Variants in ATP5PO observed in about 807,000 individuals in gnomAD.
The protein encoded by ATP5PO is ATP synthase peripheral stalk subunit OSCP, also known as ATP synthase peripheral stalk subunit OSCP, mitochondrial.
A neutral mutation model predicts 26.2 loss-of-function variants in ATP5PO; 14 were observed. That is an observed-to-expected ratio of 0.53 (90% CI 0.35 to 0.83). The LOEUF is 0.83. Among genes scored for constraint, ATP5PO ranks in the 40% least tolerant of loss-of-function variants. The pLI is 0.01. For synonymous variants in ATP5PO, 106 were observed against 95.1 expected (o/e 1.12, Z -0.67); for missense variants, 241 against 258.5 (o/e 0.93, Z 0.46).
intron 1 of ATP5PO, 67 bp downstream of exon 1, chr21:33,915,661 C>T (rs9979313): frequency 0.02 from 30,206 of 1,537,078 alleles, 353 homozygotes; most frequent in South Asian, 0.031. Context: ...CCCTGGTGCT[C>T]GAGGTTTGGT....
intron 5 of ATP5PO, among the ~76,000 whole-genome samples, chr21:33,904,512 C>T (rs552956689): frequency 1.3e-5 from 2 of 152,274 alleles, no homozygotes; most frequent in East Asian, 3.9e-4. Context: ...TTCATCTCCC[C>T]GCATCCACAG....
In ATP5PO at chr21:33,912,975, T is replaced by C. The variant is rs191463062; in HGVS notation, c.88-576A>G. Among the ~76,000 whole-genome samples, 9 of 152,380 alleles carry C rather than the reference T, an allele frequency of 5.9e-5. No homozygotes were observed. In the East Asian group the frequency reaches 1.7e-3, roughly 29 times the overall value. ...TTTTCACAATAAACTATAGACTTTTTTTCTACCATCAATGTATGACTACAT... is the reference window on the plus strand; with the variant it reads ...TTTTCACAATAAACTATAGACTTTTCTTCTACCATCAATGTATGACTACAT... On this transcript the variant is annotated intron_variant, in intron 2 of 6. Coordinates refer to ENST00000290299, the MANE Select transcript of ATP5PO (RefSeq NM_001697.3).
At position 33,909,175 on chromosome 21, in the gene ATP5PO, A is replaced by C. The variant is rs1987215570; in HGVS notation, c.235T>G (p.Leu79Val). The change falls in exon 4 of 7, where the codon TTG (leucine) becomes GTG (valine). Residue 79 changes from leucine (L) to valine (V), a missense_variant. Transcript: ENST00000290299. Reference sequence around the variant, plus strand: ...ATGGAACGCTTCACATAGGGATTCAAAACAGAAGCAGCCACTTTGGGTTCC... The same window carrying C: ...ATGGAACGCTTCACATAGGGATTCACAACAGAAGCAGCCACTTTGGGTTCC... ...LKEPKVAASVLNPYVKRSIKV... is the reference protein window; with the variant it reads ...LKEPKVAASVVNPYVKRSIKV... 1 of 1,614,002 alleles carries C rather than the reference A, an allele frequency of 6.2e-7. No individual in the cohort carries two copies. Among genetic ancestry groups the C allele is most frequent in the Non-Finnish European group, 8.5e-7 (1 of 1,179,906 alleles).
intron 5 of ATP5PO, 41 bp downstream of exon 5, chr21:33,907,300 T>C (rs62226670): frequency 0.2 from 310,545 of 1,522,136 alleles, 33,249 homozygotes; most frequent in Non-Finnish European, 0.22. Context: ...GTGACACATG[T>C]AATATCAAGG....
chr21:33,914,648 T>C (rs1332618938), intron 1 of ATP5PO, 148 bp from the exon 2 acceptor site: 1 of 667,490 alleles, frequency 1.5e-6, no homozygotes, highest in Non-Finnish European at 2.5e-6. Context: ...GGTGAGCTAC[T>C]TACTATTACT....
At chr21:33,913,606 T>C (rs1447419855) in intron 2 of ATP5PO, among the ~76,000 whole-genome samples, 2 of 152,194 alleles carry the variant, frequency 1.3e-5, no homozygotes, top group East Asian at 3.8e-4. Context: ...GTGTCACTAA[T>C]AGTCCTCTTT....
intron 6 of ATP5PO, 146 bp downstream of exon 6, chr21:33,903,789 A>T: frequency 9.3e-7 from 1 of 1,074,698 alleles, no homozygotes; most frequent in South Asian, 1.7e-5. Flanking sequence ...ACAGTCAGAT[A>T]ATCATTTAAA....
intron 4 of ATP5PO, among the ~76,000 whole-genome samples, chr21:33,907,684 G>C (rs1045462015): frequency 1.3e-5 from 2 of 152,112 alleles, no homozygotes; most frequent in African/African-American, 4.8e-5. Flanking sequence ...AAAACGTTAG[G>C]GCTTGGTGGT....
intron 5 of ATP5PO, among the ~76,000 whole-genome samples, chr21:33,906,007 C>G (rs1001240191): frequency 2.7e-5 from 4 of 150,722 alleles, no homozygotes; most frequent in African/African-American, 9.8e-5. Flanking sequence ...GACCGTGGGG[C>G]AGGTGAATGT....
intron 5 of ATP5PO, among the ~76,000 whole-genome samples, chr21:33,905,334 G>A (rs1987155954): frequency 6.6e-6 from 1 of 151,904 alleles, no homozygotes; most frequent in African/African-American, 2.4e-5. Context: ...CCTTCATGTG[G>A]GCAACCCTGA....
chr21:33,903,455 A>T lies in ATP5PO; in HGVS notation c.*71T>A. ...TTTAAAAGACAGTGAACATAATATG[A>T]TCTGTTCTGGAAGCTTTTTATTGTT... On this transcript the variant is annotated 3_prime_UTR_variant, in exon 7 of 7. Transcript: ENST00000290299. 7.7e-7 allele frequency: 1 copy of T among 1,299,906 alleles called. No individual in the cohort carries two copies. 80.5% of individuals were successfully genotyped at this position (1,299,906 alleles called of 1,614,324 possible).
At chr21:33,914,095 T>C (rs1987283419) in intron 2 of ATP5PO, among the ~76,000 whole-genome samples, 1 of 152,016 alleles carries the variant, frequency 6.6e-6, no homozygotes, top group Non-Finnish European at 1.5e-5. Context: ...TTGATTTTAA[T>C]ATCGTCTCCT....
chr21:33,903,627 T>C lies in ATP5PO; in HGVS notation c.541A>G (p.Ile181Val), dbSNP rs141125740. 5.6e-5 allele frequency: 91 copies of C among 1,614,126 alleles called. No individual in the cohort carries two copies. The African/African-American group carries it at 9.7e-4, about 17-fold the overall frequency. Residue 181 changes from isoleucine to valine, a missense_variant, in exon 7 of 7, where the codon ATC becomes GTC. Physicochemically the swap from Ile to Val is conservative, Grantham distance 29 (BLOSUM62 3). Around this residue, in one of 3 missense-constraint regions of ATP5PO, gnomAD observed 77 missense variants for 74.5 expected, o/e 1.03. Transcript: ENST00000290299. Reference sequence around the variant, plus strand: ...ATGCGCACAATCATTCCACCCAAGATTGACGGATCAGTCTACAAAAGAAGT... The same window carrying C: ...ATGCGCACAATCATTCCACCCAAGACTGACGGATCAGTCTACAAAAGAAGT... Reference protein sequence around the residue: ...LKLEAKTDPSILGGMIVRIGE... With the variant: ...LKLEAKTDPSVLGGMIVRIGE...
At chr21:33,915,547 C>A in intron 1 of ATP5PO, 181 bp downstream of exon 1, 1 of 912,436 alleles carries the variant, frequency 1.1e-6, no homozygotes, top group Non-Finnish European at 1.6e-6. Context: ...CCTACTGCCC[C>A]GTAGGCATCC....
intron 3 of ATP5PO, among the ~76,000 whole-genome samples, chr21:33,911,610 CTCAGTA>C (rs1051205406): frequency 1.3e-5 from 2 of 148,552 alleles, no homozygotes; most frequent in Non-Finnish European, 3.0e-5. Flanking sequence ...AAAACAAATT[CTCAGTA>C]AAACCAAATC....
intron 5 of ATP5PO, among the ~76,000 whole-genome samples, chr21:33,905,056 T>A (rs553025093): frequency 3.9e-5 from 6 of 152,304 alleles, no homozygotes; most frequent in African/African-American, 1.4e-4. Flanking sequence ...GGCCTTTTTT[T>A]AACTTGTCAT....
chr21:33,907,356 T>A lies in ATP5PO; in HGVS notation c.426A>T (p.Thr142=), dbSNP rs1326455763. The A allele has an allele frequency of 6.2e-7, 1 of 1,613,458 alleles. No individual in the cohort carries two copies. The change falls in exon 5 of 7, where the codon ACA becomes ACT. Residue 142 remains threonine (T), a synonymous_variant. Coordinates refer to ENST00000290299, the MANE Select transcript of ATP5PO (RefSeq NM_001697.3). ...CGTTACTTACAGATGCAGAGGTCACTGTGCAAGGTACCTCTCCGCGATGGA... is the reference window on the plus strand; with the variant it reads ...CGTTACTTACAGATGCAGAGGTCACAGTGCAAGGTACCTCTCCGCGATGGA... The part of the protein sequence containing the change: ...MSVHRGEVPC[T]VTSASPLEEA...
intron 4 of ATP5PO, 86 bp downstream of exon 4, chr21:33,908,996 G>A: frequency 7.1e-7 from 1 of 1,407,424 alleles, no homozygotes; most frequent in Non-Finnish European, 9.6e-7. Flanking sequence ...AGGCTCCCAG[G>A]TGATGCTGAT....
chr21:33,907,480 CAAG>C (rs1987189119), intron 4 of ATP5PO, 27 bp from the exon 5 acceptor site: 1 of 1,571,438 alleles, frequency 6.4e-7, no homozygotes, highest in Admixed American at 1.7e-5. Flanking sequence ...GTCTCAGTAA[CAAG>C]AAACTCACCT....
Sources: gnomAD v4.1 joint callset for allele counts (sites outside exome capture counted in the v4.1 genomes callset) on GRCh38, gnomAD v4.1.1 for gene constraint, gnomAD v4.1.1 regional missense constraint, MANE v1.5 for transcripts, NCBI Gene and HGNC (gene_info 2026-07-23, HGNC 2026-07-21) for gene names.